Variants in ZBTB48 observed in about 807,000 individuals in gnomAD.
The protein encoded by ZBTB48 is zinc finger and BTB domain containing 48.
A neutral mutation model predicts 64.5 loss-of-function variants in ZBTB48; 35 were observed. The ratio of observed to expected loss-of-function variants is 0.54; its 90% confidence interval spans 0.41 to 0.72. The LOEUF (loss-of-function observed/expected upper bound fraction) is 0.72, where lower values mean the gene tolerates loss of function less well. ZBTB48 is among the 30% of genes least tolerant of loss of function. ZBTB48 has a pLI of 0.00. For synonymous variants in ZBTB48, 442 were observed against 356.7 expected (o/e 1.24, Z -2.70); for missense variants, 828 against 895.3 (o/e 0.92, Z 0.96).
intron 3 of ZBTB48, among the ~76,000 whole-genome samples, chr1:6,583,214 C>T (rs1640533021): frequency 6.6e-6 from 1 of 151,940 alleles, no homozygotes; most frequent in Non-Finnish European, 1.5e-5. Context: ...TGGTCTCAAT[C>T]TCCTGACCTT....
Position 6,589,032 on chromosome 1 carries a change from GC to G in ZBTB48, c.1889del (p.Pro630ArgfsTer?). ...DEKMVVVALQPPAELEVGSAE... is the reference protein window; with the variant it reads ...DEKMVVVALQXPAELEVGSAE... ...AGAAGATGGTGGTGGTGGCGCTGCAGCCGCCTGCAGAGCTGGAGGTGGGCTC... is the reference window on the plus strand; with the variant it reads ...AGAAGATGGTGGTGGTGGCGCTGCAGCGCCTGCAGAGCTGGAGGTGGGCTC... On this transcript the variant is annotated frameshift_variant, in exon 11 of 11. Transcript: ENST00000377674. LOFTEE classifies it high-confidence loss of function. 6.3e-7 allele frequency: 1 copy of G among 1,596,448 alleles called. No individual in the cohort carries two copies. Among genetic ancestry groups the G allele is most frequent in the Non-Finnish European group, 8.5e-7 (1 of 1,170,626 alleles).
intron 3 of ZBTB48, among the ~76,000 whole-genome samples, chr1:6,583,883 G>A (rs1443452347): frequency 1.3e-5 from 2 of 150,194 alleles, no homozygotes; most frequent in East Asian, 2.0e-4. Flanking sequence ...AGGTTCAAGC[G>A]ATTCTCCTGC....
rs1369078099 is a variant in ZBTB48 at position 6,580,799 on chromosome 1, G to A, written c.190G>A (p.Val64Ile). The A allele has an allele frequency of 1.2e-6, 2 of 1,614,218 alleles. No homozygotes were observed. The highest frequency in any genetic ancestry group is 1.1e-5 in the South Asian group (1 of 91,088). ...LYGDGSGGSVVLPAGFAEIFG... is the reference protein window; with the variant it reads ...LYGDGSGGSVILPAGFAEIFG... ...CGGGGATGGCTCAGGGGGCAGTGTC[G>A]TCCTCCCTGCTGGCTTCGCTGAGAT... The change falls in exon 2 of 11, where the codon GTC becomes ATC. Residue 64 changes from valine to isoleucine, a missense_variant. Physicochemically the swap from Val to Ile is conservative, Grantham distance 29 (BLOSUM62 3). Coordinates refer to ENST00000377674, the MANE Select transcript of ZBTB48 (RefSeq NM_005341.4). The surrounding 1 kb of genome is among the most constrained non-coding windows in gnomAD (Gnocchi z 5.2).
chr1:6,589,127 G>C lies in ZBTB48; in HGVS notation c.1982G>C (p.Cys661Ser). The C allele has an allele frequency of 6.3e-7, 1 of 1,599,290 alleles. No homozygotes were observed. The highest frequency in any genetic ancestry group is 1.1e-5 in the South Asian group (1 of 89,246). The part of the protein sequence containing the change: ...LASQLPGQRL[C>S]AEESFTGPGV... ...TCCCAGCTCCCCGGCCAGAGACTGT[G>C]TGCAGAGGAGAGCTTCACCGGCCCA... is the stretch of plus-strand genomic sequence containing the variant. The change falls in exon 11 of 11, where the codon TGT (cysteine) becomes TCT (serine). Residue 661 changes from cysteine (C) to serine (S), a missense_variant. Cys to Ser is a moderately radical substitution (Grantham distance 112). Coordinates refer to ENST00000377674, the MANE Select transcript of ZBTB48 (RefSeq NM_005341.4).
chr1:6,583,068 G>A (rs1355916366), intron 3 of ZBTB48, among the ~76,000 whole-genome samples: 2 of 152,194 alleles, frequency 1.3e-5, no homozygotes, highest in Non-Finnish European at 2.9e-5. Context: ...TCAGCTCAGT[G>A]CAACCTCTGC....
Position 6,587,742 on chromosome 1 carries a change from C to T in ZBTB48, c.1379+110C>T, listed in dbSNP as rs894734858. 36 of 1,498,046 alleles carry T rather than the reference C, an allele frequency of 2.4e-5. 1 individual carries two copies. The East Asian group carries it at 7.6e-4, about 32-fold the overall frequency. 92.8% of individuals were successfully genotyped at this position (1,498,046 alleles called of 1,614,324 possible). A position where few individuals can be genotyped will look rare whatever the true frequency, so the allele number is the denominator to read the frequency against. ...TTTACACAGATGAGTGTGCCCTTGG[C>T]CTCCACCCTGAATCTAGTGCCTACA... On this transcript the variant is annotated intron_variant, in intron 7 of 10. Coordinates refer to ENST00000377674, the MANE Select transcript of ZBTB48 (RefSeq NM_005341.4).
At position 6,588,996 on chromosome 1, in the gene ZBTB48, C is replaced by T; in HGVS notation, c.1851C>T (p.Ile617=). 1 of 1,597,024 alleles carries T rather than the reference C, an allele frequency of 6.3e-7. No individual in the cohort carries two copies. The highest frequency in any genetic ancestry group is 8.5e-7 in the Non-Finnish European group (1 of 1,170,046). ...GGCAGCGCAAGCTCCGCAACCTGAT[C>T]ATCGAGGACGAGAAGATGGTGGTGG... ...NPRQRKLRNL[I]IEDEKMVVVA... The change falls in exon 11 of 11, where the codon ATC becomes ATT. Residue 617 remains isoleucine (I), a synonymous_variant. Transcript: ENST00000377674.
chr1:6,587,409 C>T, intron 6 of ZBTB48, 69 bp from the exon 7 acceptor site: 2 of 1,608,288 alleles, frequency 1.2e-6, no homozygotes. Flanking sequence ...TTGTGGGTCT[C>T]CCAGGCAGCC....
chr1:6,582,352 G>T, intron 3 of ZBTB48, 53 bp downstream of exon 3: 2 of 1,584,974 alleles, frequency 1.3e-6, no homozygotes, highest in South Asian at 1.2e-5. Context: ...CCCACGTTGG[G>T]GGAGGGGTCC....
At chr1:6,587,170 G>A in intron 5 of ZBTB48, 35 bp from the exon 6 acceptor site, 1 of 1,612,710 alleles carries the variant, frequency 6.2e-7, no homozygotes, top group Non-Finnish European at 8.5e-7. Context: ...ATGGGTGCAG[G>A]CCGCCCTGGA....
Position 6,587,210 on chromosome 1 carries a change from C to G in ZBTB48, c.1143C>G (p.Ser381=). ...SHTGEMPYKC[S]SCSQQFMQKK... ...ACTGTGGGCCTCTTTTTCAGTGTTC[C>G]TCCTGCTCCCAGCAGTTCATGCAGA... The change falls in exon 6 of 11, where the codon TCC becomes TCG. Residue 381 remains serine, a synonymous_variant. Transcript: ENST00000377674. The G allele has an allele frequency of 6.2e-7, 1 of 1,613,946 alleles. No homozygotes were observed. Among genetic ancestry groups the G allele is most frequent in the Middle Eastern group, 1.6e-4 (1 of 6,062 alleles).
At chr1:6,586,600 C>T (rs1640676013) in intron 4 of ZBTB48, 95 bp from the exon 5 acceptor site, 6 of 1,364,178 alleles carry the variant, frequency 4.4e-6, no homozygotes, top group Non-Finnish European at 5.7e-6. Flanking sequence ...CCCAGGCAGA[C>T]TCTTCCCAGC....
chr1:6,588,704 C>T (rs1326051273), intron 9 of ZBTB48, 52 bp from the exon 10 acceptor site: 10 of 1,611,614 alleles, frequency 6.2e-6, no homozygotes, highest in Admixed American at 3.3e-5. Flanking sequence ...TGGGTTTCCT[C>T]GAGGGTCCCG....
intron 7 of ZBTB48, 55 bp downstream of exon 7, chr1:6,587,687 C>T (rs1367585468): frequency 6.2e-7 from 1 of 1,602,134 alleles, no homozygotes; most frequent in Non-Finnish European, 8.5e-7. Context: ...CCCAGGCTTG[C>T]ACCGGCAGGG....
chr1:6,588,248 A>C (rs1243794168), intron 8 of ZBTB48, 30 bp from the exon 9 acceptor site: 1 of 1,611,526 alleles, frequency 6.2e-7, no homozygotes. Context: ...GGCCAAGGCC[A>C]CAGGCTGAGC....
Position 6,589,195 on chromosome 1 carries a change from G to T in ZBTB48, c.2050G>T (p.Glu684Ter). The T allele has an allele frequency of 1.3e-6, 2 of 1,522,938 alleles. No individual in the cohort carries two copies. Among genetic ancestry groups the T allele is most frequent in the Non-Finnish European group, 1.8e-6 (2 of 1,138,908 alleles). The allele number at this position is 1,522,938 out of a possible 1,614,324, so 94.3% of individuals were successfully genotyped here. The change falls in exon 11 of 11, where the codon GAG becomes TAG. Residue 684 changes from glutamate to a stop codon, truncating the protein, a stop_gained. Transcript: ENST00000377674. LOFTEE classifies it high-confidence loss of function. ...CCTCATCATCACAGCTGCTGTCCCCGAGGACTGTGACACATAGCCCATTCT... is the reference window on the plus strand; with the variant it reads ...CCTCATCATCACAGCTGCTGTCCCCTAGGACTGTGACACATAGCCCATTCT... ...PSLIITAAVP[E>*]DCDT
intron 3 of ZBTB48, among the ~76,000 whole-genome samples, chr1:6,583,288 C>T (rs760303449): frequency 6.6e-6 from 1 of 151,882 alleles, no homozygotes; most frequent in Non-Finnish European, 1.5e-5. Flanking sequence ...CATGCTCAGC[C>T]TATGTTGTTT....
Position 6,589,062 on chromosome 1 carries a change from G to A in ZBTB48, c.1917G>A (p.Ala639=), listed in dbSNP as rs754304163. ...CTGCAGAGCTGGAGGTGGGCTCGGC[G>A]GAGGTCATTGTGGAGTCCCTGGCCC... The part of the protein sequence containing the change: ...QPPAELEVGS[A]EVIVESLAQG... Residue 639 remains alanine, a synonymous_variant, in exon 11 of 11, where the codon GCG becomes GCA. Transcript: ENST00000377674. 86 of 1,606,202 alleles carry A rather than the reference G, an allele frequency of 5.4e-5. No homozygotes were observed. In the South Asian group the frequency reaches 6.5e-4, roughly 12 times the overall value.
At position 6,589,125 on chromosome 1, in the gene ZBTB48, G is replaced by T. The variant is rs556441501; in HGVS notation, c.1980G>T (p.Leu660=). Residue 660 remains leucine, a synonymous_variant, in exon 11 of 11, where the codon CTG becomes CTT. Coordinates refer to ENST00000377674, the MANE Select transcript of ZBTB48 (RefSeq NM_005341.4). The part of the protein sequence containing the change: ...GLASQLPGQR[L]CAEESFTGPG... ...CCTCCCAGCTCCCCGGCCAGAGACT[G>T]TGTGCAGAGGAGAGCTTCACCGGCC... is the stretch of plus-strand genomic sequence containing the variant. The T allele has an allele frequency of 1.9e-6, 3 of 1,600,712 alleles. No homozygotes were observed. In the South Asian group the frequency reaches 3.4e-5, roughly 18 times the overall value.
Sources: gnomAD v4.1 joint callset for allele counts (sites outside exome capture counted in the v4.1 genomes callset) on GRCh38, gnomAD v4.1.1 for gene constraint, Gnocchi (gnomAD v3.1) non-coding constraint, MANE v1.5 for transcripts, NCBI Gene and HGNC (gene_info 2026-07-23, HGNC 2026-07-21) for gene names.